EMILIN3: variants seen among roughly 807,000 people sequenced by gnomAD.
EMILIN3 encodes EMILIN-3.
EMILIN3 carries 38 observed loss-of-function variants against 42.8 expected under a neutral mutation model. The ratio of observed to expected loss-of-function variants is 0.89; its 90% CI spans 0.69 to 1.16. The LOEUF is 1.16. Among genes scored for constraint, EMILIN3 ranks in the 50% most tolerant of loss-of-function variants. The pLI, the probability that EMILIN3 is intolerant of heterozygous loss-of-function variation, is 0.00. For missense variants in EMILIN3, 924 were observed against 999.5 expected (o/e 0.92, Z 1.02); for synonymous variants, 430 against 440.5 (o/e 0.98, Z 0.30).
chr20:41,366,510 TAG>T lies in EMILIN3; in HGVS notation c.123_124del (p.Tyr42HisfsTer40). The T allele has an allele frequency of 1.7e-6, 2 of 1,160,198 alleles. No individual in the cohort carries two copies. The highest frequency in any genetic ancestry group is 2.1e-6 in the Non-Finnish European group (2 of 944,020). 71.9% of individuals were successfully genotyped at this position (1,160,198 alleles called of 1,614,324 possible). Reference sequence around the variant, plus strand: ...CAGCCGCGGGCGCCATCCCGTCGTGTAGAGACTGTAGCGGGAGGCACCGGGCG... The same window carrying T: ...CAGCCGCGGGCGCCATCCCGTCGTGTAGACTGTAGCGGGAGGCACCGGGCG... On this transcript the variant is annotated frameshift_variant, in exon 1 of 4. Coordinates refer to ENST00000332312, the MANE Select transcript of EMILIN3 (RefSeq NM_052846.2). LOFTEE classifies it high-confidence loss of function. The surrounding 1 kb of genome is among the most constrained non-coding windows in gnomAD (Gnocchi z 4.2).
intron 1 of EMILIN3, among the ~76,000 whole-genome samples, chr20:41,365,476 C>A (rs6016550): frequency 6.6e-6 from 1 of 152,080 alleles, no homozygotes; most frequent in South Asian, 2.1e-4. Flanking sequence ...CCCCCCCATC[C>A]TTCGCTGATT....
Position 41,361,791 on chromosome 20 carries a change from G to A in EMILIN3, c.1778C>T (p.Ser593Leu), listed in dbSNP as rs751002544. Residue 593 changes from serine (S) to leucine (L), a missense_variant, in exon 4 of 4, where the codon TCA becomes TTA. Physicochemically the swap from Ser to Leu is moderately radical, Grantham distance 145 (BLOSUM62 -2). Transcript: ENST00000332312. ...EITLLKVNLN[S>L]VSKSLTGLSD... is the part of the protein sequence containing the mutation. ...GAGGCCTGTGAGCGACTTGCTCACT[G>A]AGTTCAGATTGACCTTGAGCAGAGT... 6.2e-7 allele frequency: 1 copy of A among 1,613,678 alleles called. No homozygotes were observed.
intron 1 of EMILIN3, 40 bp from the exon 2 acceptor site, chr20:41,365,197 C>T (rs527902368): frequency 3.7e-6 from 6 of 1,608,436 alleles, no homozygotes; most frequent in African/African-American, 1.3e-5. Flanking sequence ...TCTGGCTGAG[C>T]GAGGCCCACA....
chr20:41,362,679 A>G lies in EMILIN3; in HGVS notation c.890T>C (p.Leu297Pro), dbSNP rs760642451. 6.2e-7 allele frequency: 1 copy of G among 1,612,610 alleles called. No individual in the cohort carries two copies. Among genetic ancestry groups the G allele is most frequent in the Admixed American group, 1.7e-5 (1 of 59,994 alleles). Residue 297 changes from leucine to proline, a missense_variant, in exon 4 of 4, where the codon CTG becomes CCG. Physicochemically the swap from Leu to Pro is moderately conservative, Grantham distance 98. Transcript: ENST00000332312. ...GTCCACGTACTCCTCCAGCAGGGCC[A>G]GGGAGGTGAGCGGGGATGGTGGGGC... ...REAPPSPLTSLALLEEYVDRR... is the reference protein window; with the variant it reads ...REAPPSPLTSPALLEEYVDRR...
Position 41,366,581 on chromosome 20 carries a change from C to G in EMILIN3, c.54G>C (p.Ser18=). The change falls in exon 1 of 4, where the codon TCG becomes TCC. Residue 18 remains serine (S), a synonymous_variant. Transcript: ENST00000332312. The surrounding 1 kb of genome is among the most constrained non-coding windows in gnomAD (Gnocchi z 4.2). The part of the protein sequence containing the change: ...VWLCAVAALL[S]GAQARGTPLL... ...GCGGGGTGCCCCTGGCCTGCGCCCC[C>G]GAGAGCAGCGCCGCGACGGCGCACA... 1.8e-6 allele frequency: 2 copies of G among 1,114,112 alleles called. No individual in the cohort carries two copies. Among genetic ancestry groups the G allele is most frequent in the East Asian group, 9.8e-5 (2 of 20,394 alleles). The allele number at this position is 1,114,112 out of a possible 1,614,324, so 69.0% of individuals were successfully genotyped here. A position where few individuals can be genotyped will look rare whatever the true frequency, so the allele number is the denominator to read the frequency against.
At position 41,364,019 on chromosome 20, in the gene EMILIN3, G is replaced by C. The variant is rs569400350; in HGVS notation, c.291-158C>G. On this transcript the variant is annotated intron_variant, in intron 2 of 3. Coordinates refer to ENST00000332312, the MANE Select transcript of EMILIN3 (RefSeq NM_052846.2). ...GCTGTACTTTTTCTGTGCTTAAGGT[G>C]ACAGGGGTGGGTAAGGGCAGGCCTT... 6.6e-5 allele frequency among the ~76,000 whole-genome samples: 10 copies of C among 152,270 alleles called. No homozygotes were observed. In the South Asian group the frequency reaches 1.9e-3, roughly 28 times the overall value.
rs1271514232 is a variant in EMILIN3, at chr20:41,366,682, G to A, written c.-48C>T. 74 of 980,670 alleles carry A rather than the reference G, an allele frequency of 7.5e-5. No homozygotes were observed. The highest frequency in any genetic ancestry group is 8.9e-5 in the Non-Finnish European group (74 of 826,954). 60.7% of individuals were successfully genotyped at this position (980,670 alleles called of 1,614,324 possible). ...GGCCCCGCGCGGTGCCCCCCGCCGG[G>A]TGTCCGCCTGCAGCGCCGCGCCGCC... On this transcript the variant is annotated 5_prime_UTR_variant, in exon 1 of 4. Coordinates refer to ENST00000332312, the MANE Select transcript of EMILIN3 (RefSeq NM_052846.2). This position sits in a 1 kb window ranked among gnomAD's most constrained non-coding sequence, Gnocchi z 4.2.
Position 41,362,912 on chromosome 20 carries a change from A to G in EMILIN3, c.657T>C (p.Ala219=), listed in dbSNP as rs779588232. The G allele has an allele frequency of 2.5e-6, 4 of 1,613,598 alleles. No individual in the cohort carries two copies. Among genetic ancestry groups the G allele is most frequent in the Non-Finnish European group, 3.4e-6 (4 of 1,179,752 alleles). Residue 219 remains alanine (A), a synonymous_variant, in exon 4 of 4, where the codon GCT becomes GCC. Coordinates refer to ENST00000332312, the MANE Select transcript of EMILIN3 (RefSeq NM_052846.2). The stretch of plus-strand genomic sequence containing the variant: ...CCCCAAAGCCCACAGGGACAGCAGG[A>G]GCCCTGGGGCCACCAGTCATCCTGT... ...DPNRMTGGPR[A]PAVPVGFGVI...
rs6102381 is a variant in EMILIN3 at position 41,365,017 on chromosome 20, G to A, written c.290+18C>T. ...TGTGCCAGGGGATTCCAAGTGTGTA[G>A]GTGAGGAGTGCACTTACGTGACTGT... On this transcript the variant is annotated intron_variant, in intron 2 of 3. Transcript: ENST00000332312. 14 of 1,613,202 alleles carry A rather than the reference G, an allele frequency of 8.7e-6. No individual in the cohort carries two copies. The highest frequency in any genetic ancestry group is 5.5e-5 in the South Asian group (5 of 90,962).
intron 3 of EMILIN3, 34 bp from the exon 4 acceptor site, chr20:41,363,088 T>G (rs2046374995): frequency 2.7e-6 from 4 of 1,475,932 alleles, no homozygotes; most frequent in Non-Finnish European, 3.6e-6. Context: ...GGGGCATCAC[T>G]GGCCTCACCC....
At position 41,362,461 on chromosome 20, in the gene EMILIN3, C is replaced by T. The variant is rs374470579; in HGVS notation, c.1108G>A (p.Gly370Ser). 1.3e-6 allele frequency: 2 copies of T among 1,599,806 alleles called. No homozygotes were observed. The highest frequency in any genetic ancestry group is 1.3e-5 in the African/African-American group (1 of 74,940). The stretch of plus-strand genomic sequence containing the variant: ...ACGCTCAGGCCCTGCAGCTGGCTGC[C>T]CAGCTGTGACAGCTCCTGGCGCAGG... The part of the protein sequence containing the change: ...LALRQELSQL[G>S]SQLQGLSVSG... Residue 370 changes from glycine to serine, a missense_variant, in exon 4 of 4, where the codon GGC becomes AGC. Coordinates refer to ENST00000332312, the MANE Select transcript of EMILIN3 (RefSeq NM_052846.2).
At position 41,361,601 on chromosome 20, in the gene EMILIN3, C is replaced by T. The variant is rs760184691; in HGVS notation, c.1968G>A (p.Gly656=). 6.2e-7 allele frequency: 1 copy of T among 1,611,186 alleles called. No homozygotes were observed. The highest frequency in any genetic ancestry group is 1.7e-5 in the Admixed American group (1 of 60,012). ...AGHRQVLNLR[G]ELEQLKAGVA... Reference sequence around the variant, plus strand: ...CACCAGCCTTGAGTTGCTCCAGCTCCCCACGCAGGTTCAGGACCTGCCTGT... The same window carrying T: ...CACCAGCCTTGAGTTGCTCCAGCTCTCCACGCAGGTTCAGGACCTGCCTGT... Residue 656 remains glycine, a synonymous_variant, in exon 4 of 4, where the codon GGG becomes GGA. Transcript: ENST00000332312.
In EMILIN3 at chr20:41,361,417, G is replaced by A. The variant is rs556076082; in HGVS notation, c.2152C>T (p.Leu718=). 1.2e-6 allele frequency: 2 copies of A among 1,611,236 alleles called. No individual in the cohort carries two copies. Among genetic ancestry groups the A allele is most frequent in the Non-Finnish European group, 1.7e-6 (2 of 1,178,718 alleles). Residue 718 remains leucine (L), a synonymous_variant, in exon 4 of 4, where the codon CTG becomes TTG. Coordinates refer to ENST00000332312, the MANE Select transcript of EMILIN3 (RefSeq NM_052846.2). ...CTCCACAGGCCCTCTCTGGGCCTCA[G>A]TGGCTCAGTGGGCAAGCTGTCCAGG... ...AGLDSLPTEP[L]RPREGLWSHV... is the part of the protein sequence containing the mutation.
rs1263851630 is a variant in EMILIN3, at chr20:41,366,435, C to T, written c.167+33G>A. 1 of 1,109,182 alleles carries T rather than the reference C, an allele frequency of 9.0e-7. No homozygotes were observed. The highest frequency in any genetic ancestry group is 1.1e-6 in the Non-Finnish European group (1 of 909,972). 68.7% of individuals were successfully genotyped at this position (1,109,182 alleles called of 1,614,324 possible). A position where few individuals can be genotyped will look rare whatever the true frequency, so the allele number is the denominator to read the frequency against. ...CGGCGACGCGCGCGGGCCCATCCCT[C>T]CCTCTTCCCGCCCGCCGCCCGCCCG... On this transcript the variant is annotated intron_variant, in intron 1 of 3. Transcript: ENST00000332312. The surrounding 1 kb of genome is among the most constrained non-coding windows in gnomAD (Gnocchi z 4.2).
intron 2 of EMILIN3, 45 bp downstream of exon 2, chr20:41,364,990 C>G: frequency 1.2e-6 from 2 of 1,610,594 alleles, no homozygotes; most frequent in Non-Finnish European, 1.7e-6. Flanking sequence ...AGGACTGGCG[C>G]TTGTGCCAGG....
chr20:41,361,100 A>C lies in EMILIN3; in HGVS notation c.*168T>G. The C allele has an allele frequency of 1.6e-6, 1 of 642,728 alleles. No homozygotes were observed. The highest frequency in any genetic ancestry group is 2.6e-6 in the Non-Finnish European group (1 of 381,068). The allele number at this position is 642,728 out of a possible 1,614,324, so 39.8% of individuals were successfully genotyped here. On this transcript the variant is annotated 3_prime_UTR_variant, in exon 4 of 4. Coordinates refer to ENST00000332312, the MANE Select transcript of EMILIN3 (RefSeq NM_052846.2). ...CTGTCCAGTTTCTGCAGCACTGTGCATGGGTTTTGGTGGCTGGGACAGCCA... is the reference window on the plus strand; with the variant it reads ...CTGTCCAGTTTCTGCAGCACTGTGCCTGGGTTTTGGTGGCTGGGACAGCCA...
At position 41,360,884 on chromosome 20, in the gene EMILIN3, C is replaced by T. The variant is rs530931783; in HGVS notation, c.*384G>A. On this transcript the variant is annotated 3_prime_UTR_variant, in exon 4 of 4. Transcript: ENST00000332312. The stretch of plus-strand genomic sequence containing the variant: ...TGCTGAGGCTGGTGCTGACTGCCTG[C>T]AGGGTCCTCTCAAGGCCTTACATAC... The T allele has an allele frequency of 1.9e-4, 48 of 257,508 alleles. No individual in the cohort carries two copies. The highest frequency in any genetic ancestry group is 3.3e-4 in the Non-Finnish European group (44 of 133,760). 16.0% of individuals were successfully genotyped at this position (257,508 alleles called of 1,614,324 possible).
intron 3 of EMILIN3, among the ~76,000 whole-genome samples, 180 bp from the exon 4 acceptor site, chr20:41,363,234 G>A (rs375824586): frequency 4.0e-5 from 6 of 151,452 alleles, no homozygotes; most frequent in East Asian, 1.9e-4. Context: ...TCCGCCTTCC[G>A]GGTTCATGCC....
chr20:41,362,849 G>C lies in EMILIN3; in HGVS notation c.720C>G (p.Ala240=). The C allele has an allele frequency of 6.2e-7, 1 of 1,614,094 alleles. No individual in the cohort carries two copies. The highest frequency in any genetic ancestry group is 8.5e-7 in the Non-Finnish European group (1 of 1,179,998). Residue 240 remains alanine, a synonymous_variant, in exon 4 of 4, where the codon GCC becomes GCG. Coordinates refer to ENST00000332312, the MANE Select transcript of EMILIN3 (RefSeq NM_052846.2). ...PEGLVGPGDR[A]RGPLTPPLDE... ...CTAAGGGAGGTGTTAGTGGCCCTCT[G>C]GCTCTGTCTCCTGGGCCCACAAGCC...
Sources: gnomAD v4.1 joint callset for allele counts (sites outside exome capture counted in the v4.1 genomes callset) on GRCh38, gnomAD v4.1.1 for gene constraint, Gnocchi (gnomAD v3.1) non-coding constraint, MANE v1.5 for transcripts, NCBI Gene and HGNC (gene_info 2026-07-23, HGNC 2026-07-21) for gene names.